Variants in ESCO2 observed in about 807,000 individuals in gnomAD.
The protein encoded by ESCO2 is N-acetyltransferase ESCO2.
Under a neutral mutation model 61.7 loss-of-function variants are expected in ESCO2, and 51 were observed. That is an observed-to-expected ratio of 0.83 (90% CI 0.66 to 1.04). The LOEUF (loss-of-function observed/expected upper bound fraction) is 1.04. Ranked by LOEUF, ESCO2 falls within the 50% of genes least tolerant of loss-of-function variation. ESCO2 has a pLI of 0.00. For missense variants in ESCO2, 692 were observed against 686.2 expected (o/e 1.01, Z -0.09); for synonymous variants, 230 against 238.2 (o/e 0.97, Z 0.32).
At chr8:27,810,467 TTCA>T, downstream of ESCO2, 1 of 1,604,950 alleles carries the variant, frequency 6.2e-7, no homozygotes, top group Non-Finnish European at 8.5e-7. Flanking sequence ...CATAGTATGC[TTCA>T]TCATCAAAAT....
intron 9 of ESCO2, among the ~76,000 whole-genome samples, chr8:27,797,545 A>G (rs574730772): frequency 3.9e-5 from 6 of 152,062 alleles, no homozygotes; most frequent in African/African-American, 1.4e-4. Flanking sequence ...AACATATTCT[A>G]TTTACACTTA....
downstream of ESCO2, chr8:27,810,361 G>A (rs1236258421): frequency 3.7e-6 from 6 of 1,612,192 alleles, no homozygotes; most frequent in Admixed American, 8.3e-5. Flanking sequence ...CGATCTTTAG[G>A]GTCTTCATTA....
At chr8:27,802,607 CAAAAAAAAAAA>C (rs1188348304) in intron 10 of ESCO2, among the ~76,000 whole-genome samples, 14 of 29,182 alleles carry the variant, frequency 4.8e-4, no homozygotes, top group African/African-American at 1.1e-3. Flanking sequence ...GACTCTGTCT[CAAAAAAAAAAA>C]AAAAAAAAAA....
chr8:27,793,960 C>A (rs957163512), intron 9 of ESCO2, among the ~76,000 whole-genome samples: 2 of 152,212 alleles, frequency 1.3e-5, no homozygotes, highest in African/African-American at 2.4e-5. Flanking sequence ...AAGTCAACTT[C>A]TTTAGATTCA....
At chr8:27,807,819 T>C (rs924628578), downstream of ESCO2, among the ~76,000 whole-genome samples, 1 of 152,190 alleles carries the variant, frequency 6.6e-6, no homozygotes, top group African/African-American at 2.4e-5. Context: ...TCGTAAGTAG[T>C]GTCTTTAGGA....
At chr8:27,808,887 T>A (rs180727028), downstream of ESCO2, among the ~76,000 whole-genome samples, 33 of 152,306 alleles carry the variant, frequency 2.2e-4, no homozygotes, top group Middle Eastern at 6.8e-3. Context: ...GGGCAGTGCA[T>A]GCTGGGATTA....
upstream of ESCO2, among the ~76,000 whole-genome samples, chr8:27,774,170 A>C (rs1473817579): frequency 3.2e-5 from 1 of 31,268 alleles, no homozygotes; most frequent in Admixed American, 4.2e-4. Context: ...AGAGGCCTTT[A>C]TTTATTTATT....
At chr8:27,790,995 ACT>A (rs1236493258) in intron 7 of ESCO2, among the ~76,000 whole-genome samples, 2 of 152,194 alleles carry the variant, frequency 1.3e-5, no homozygotes, top group East Asian at 3.9e-4. Flanking sequence ...CTGCACATTT[ACT>A]CTTTCAATTA....
At chr8:27,797,532 G>T (rs1456758041) in intron 9 of ESCO2, among the ~76,000 whole-genome samples, 1 of 151,854 alleles carries the variant, frequency 6.6e-6, no homozygotes. Flanking sequence ...GTCTTGATTG[G>T]CAAACATATT....
downstream of ESCO2, among the ~76,000 whole-genome samples, chr8:27,816,357 ATT>A (rs1491518101): frequency 6.1e-3 from 812 of 132,486 alleles, 7 homozygotes; most frequent in African/African-American, 0.013. Context: ...ATATATATAT[ATT>A]TATTTATTTA....
At position 27,775,558 on chromosome 8, in the gene ESCO2, A is replaced by G. The variant is rs528630260; in HGVS notation, c.44A>G (p.Lys15Arg). 6.2e-7 allele frequency: 1 copy of G among 1,614,174 alleles called. No homozygotes were observed. The highest frequency in any genetic ancestry group is 2.2e-5 in the East Asian group (1 of 44,858). ...AGGAAGAGGAAGCAGGATTCTTTGAAGTGTGACAGGTGAATCTCAGCCTGT... is the reference window on the plus strand; with the variant it reads ...AGGAAGAGGAAGCAGGATTCTTTGAGGTGTGACAGGTGAATCTCAGCCTGT... ...TPRKRKQDSL[K>R]CDSLLHFTEN... The change falls in exon 2 of 11, where the codon AAG becomes AGG. Residue 15 changes from lysine to arginine, a missense_variant. Transcript: ENST00000305188.
chr8:27,797,331 CTTCT>C (rs1040079952), intron 9 of ESCO2, among the ~76,000 whole-genome samples: 15 of 151,860 alleles, frequency 9.9e-5, no homozygotes, highest in African/African-American at 3.4e-4. Flanking sequence ...ATATAATTAC[CTTCT>C]TTGTCTCTTG....
chr8:27,772,785 C>A, upstream of ESCO2: 1 of 549,114 alleles, frequency 1.8e-6, no homozygotes, highest in Admixed American at 3.2e-5. Context: ...GCATCTTGGG[C>A]ACGTTAGTTA....
chr8:27,783,927 C>T (rs1804979314), intron 4 of ESCO2, 73 bp from the exon 5 acceptor site: 4 of 1,331,930 alleles, frequency 3.0e-6, no homozygotes, highest in Non-Finnish European at 4.3e-6. Flanking sequence ...GTCTTATTAA[C>T]CTTTGAAATC....
chr8:27,778,056 A>T (rs560783349), intron 3 of ESCO2: 1 of 152,236 alleles, frequency 6.6e-6, no homozygotes, highest in African/African-American at 2.4e-5. Context: ...TGGCCTACAT[A>T]ATTTAAAAGT....
In ESCO2 at chr8:27,788,972, A is replaced by C; in HGVS notation, c.1257A>C (p.Lys419Asn). ...QHHHRFLEGI[K>N]YVGWKKERVV... ...ACCACAGGTTTCTGGAAGGAATCAA[A>C]TATGTGGTGAGCCAAAACATAGTCT... The change falls in exon 7 of 11, where the codon AAA becomes AAC. Residue 419 changes from lysine to asparagine, a missense_variant. Transcript: ENST00000305188. The C allele has an allele frequency of 3.1e-6, 5 of 1,614,132 alleles. No homozygotes were observed. The highest frequency in any genetic ancestry group is 3.4e-6 in the Non-Finnish European group (4 of 1,179,998).
chr8:27,786,473 A>G (rs547454854), intron 5 of ESCO2, among the ~76,000 whole-genome samples: 5 of 152,332 alleles, frequency 3.3e-5, no homozygotes, highest in Non-Finnish European at 7.4e-5. Flanking sequence ...TGGCAGATGC[A>G]GTTTGTCAGT....
chr8:27,774,765 C>G (rs3802154), intron 1 of ESCO2, 158 bp downstream of exon 1: 63,620 of 152,060 alleles, frequency 0.42, 13,642 homozygotes, highest in East Asian at 0.61. Flanking sequence ...ACTCGTTCTC[C>G]GCGCTCACAG....
chr8:27,810,929 G>T, downstream of ESCO2: 3 of 1,318,144 alleles, frequency 2.3e-6, no homozygotes, highest in South Asian at 2.4e-5. Context: ...TGAAGAGATT[G>T]GGATTTATGT....
Sources: allele counts gnomAD v4.1 joint callset (sites outside exome capture counted in the v4.1 genomes callset), GRCh38; gene constraint gnomAD v4.1.1; transcripts MANE v1.5; gene names NCBI Gene and HGNC (gene_info 2026-07-23, HGNC 2026-07-21).